TRAPPC3: variants seen among roughly 807,000 people sequenced by gnomAD.
TRAPPC3 encodes trafficking protein particle complex 3.
In TRAPPC3, 5 loss-of-function variants were observed where a neutral mutation model predicts 18.2. The ratio of observed to expected loss-of-function variants is 0.28; its 90% CI spans 0.14 to 0.58. TRAPPC3 has a LOEUF of 0.58. TRAPPC3 is among the 20% of genes least tolerant of loss of function. The pLI, the probability that TRAPPC3 is intolerant of heterozygous loss-of-function variation, is 0.91. For synonymous variants in TRAPPC3, 65 were observed against 84.2 expected (o/e 0.77, Z 1.25); for missense variants, 176 against 225.9 (o/e 0.78, Z 1.41).
chr1:36,142,000 A>C (rs1435825690), intron 1 of TRAPPC3, among the ~76,000 whole-genome samples: 3 of 151,778 alleles, frequency 2.0e-5, no homozygotes, highest in Admixed American at 2.0e-4. Flanking sequence ...GCCCAAGGAC[A>C]AACAGCTAAT....
chr1:36,141,913 A>ACGC (rs1213763229), intron 1 of TRAPPC3, among the ~76,000 whole-genome samples: 1 of 139,254 alleles, frequency 7.2e-6, no homozygotes, highest in Non-Finnish European at 1.5e-5. Context: ...AGCCAAGATC[A>ACGC]CGCCACTGCA....
In TRAPPC3 at chr1:36,149,354, T is replaced by C. The variant is rs770476135; in HGVS notation, c.25A>G (p.Thr9Ala). Residue 9 changes from threonine to alanine, a missense_variant, in exon 1 of 5, where the codon ACC becomes GCC. Physicochemically the swap from Thr to Ala is moderately conservative, Grantham distance 58. Transcript: ENST00000373166. MSRQANRGTESKKMSSELF... is the reference protein window; with the variant it reads MSRQANRGAESKKMSSELF... ...CAAGTTACCATTTTCTTGCTCTCGG[T>C]GCCACGGTTCGCCTGCCTCGACATG... The C allele has an allele frequency of 3.1e-6, 5 of 1,613,246 alleles. No individual in the cohort carries two copies. Among genetic ancestry groups the C allele is most frequent in the Non-Finnish European group, 4.2e-6 (5 of 1,179,760 alleles).
At chr1:36,145,351 A>G (rs1570097555) in intron 1 of TRAPPC3, among the ~76,000 whole-genome samples, 1 of 152,106 alleles carries the variant, frequency 6.6e-6, no homozygotes, top group African/African-American at 2.4e-5. Context: ...TTTAGAGCCA[A>G]TGCTCCAAGA....
rs528237224 is a variant in TRAPPC3 at position 36,137,201 on chromosome 1, G to A, written c.*2C>T. 2 of 1,607,986 alleles carry A rather than the reference G, an allele frequency of 1.2e-6. No individual in the cohort carries two copies. The highest frequency in any genetic ancestry group is 1.1e-5 in the South Asian group (1 of 90,934). ...ATGGCTATCCTCGAGTTGTAGGGAT[G>A]GTTATTCCTCTCCAGCTGGAAGATT... On this transcript the variant is annotated 3_prime_UTR_variant, in exon 5 of 5. Coordinates refer to ENST00000373166, the MANE Select transcript of TRAPPC3 (RefSeq NM_014408.5).
Position 36,137,220 on chromosome 1 carries a change from G to T in TRAPPC3, c.526C>A (p.Pro176Thr). ...RFIRRIEDNLPAGEE is the reference protein window; with the variant it reads ...RFIRRIEDNLTAGEE ...AGGGATGGTTATTCCTCTCCAGCTG[G>T]AAGATTGTCCTCAATCCGCCTGATG... Residue 176 changes from proline to threonine, a missense_variant, in exon 5 of 5, where the codon CCA (proline) becomes ACA (threonine). Physicochemically the swap from Pro to Thr is conservative, Grantham distance 38 (BLOSUM62 -1). Transcript: ENST00000373166. 6.2e-7 allele frequency: 1 copy of T among 1,610,488 alleles called. No homozygotes were observed. Among genetic ancestry groups the T allele is most frequent in the East Asian group, 2.2e-5 (1 of 44,726 alleles).
upstream of TRAPPC3, among the ~76,000 whole-genome samples, chr1:36,153,447 G>A (rs1644286001): frequency 6.6e-6 from 1 of 152,160 alleles, no homozygotes; most frequent in African/African-American, 2.4e-5. Context: ...GAAACCTTCA[G>A]GTCTGGCCAG....
rs1004752358 is a variant in TRAPPC3 at position 36,139,561 on chromosome 1, T to C, written c.240+159A>G. The C allele has an allele frequency of 1.6e-5, 14 of 881,586 alleles. No individual in the cohort carries two copies. In the African/African-American group the frequency reaches 2.0e-4, roughly 13 times the overall value. The allele number at this position is 881,586 out of a possible 1,614,324, so 54.6% of individuals were successfully genotyped here. On this transcript the variant is annotated intron_variant, in intron 3 of 4. Transcript: ENST00000373166. ...TAATCCACAGGGATTAAATAATCTA[T>C]GCTATTCCCTAACGACCTGGAATGT...
intron 1 of TRAPPC3, among the ~76,000 whole-genome samples, chr1:36,144,034 G>C (rs532963370): frequency 2.0e-5 from 3 of 152,108 alleles, no homozygotes; most frequent in Admixed American, 2.0e-4. Context: ...AGGAGGGCAA[G>C]TACAGCACTT....
upstream of TRAPPC3, among the ~76,000 whole-genome samples, chr1:36,153,472 A>G (rs1644286212): frequency 6.6e-6 from 1 of 152,150 alleles, no homozygotes; most frequent in Admixed American, 6.5e-5. Context: ...ACTGTCGTTT[A>G]AGCTGCCTAA....
chr1:36,149,170 T>TC, intron 1 of TRAPPC3, 167 bp downstream of exon 1: 1 of 1,472,026 alleles, frequency 6.8e-7, no homozygotes, highest in Non-Finnish European at 9.0e-7. Flanking sequence ...TCTCCGACGG[T>TC]CCCCTCACCT....
At chr1:36,146,703 C>T (rs1245968771) in intron 1 of TRAPPC3, among the ~76,000 whole-genome samples, 1 of 151,698 alleles carries the variant, frequency 6.6e-6, no homozygotes, top group African/African-American at 2.4e-5. Flanking sequence ...CAGGTGCAGG[C>T]GGTACTACAC....
In TRAPPC3 at chr1:36,138,378, G is replaced by A. The variant is rs971457926; in HGVS notation, c.241-400C>T. 10 of 966,748 alleles carry A rather than the reference G, an allele frequency of 1.0e-5. No homozygotes were observed. In the African/African-American group the frequency reaches 1.5e-4, roughly 14 times the overall value. The allele number at this position is 966,748 out of a possible 1,614,324, so 59.9% of individuals were successfully genotyped here. A position where few individuals can be genotyped will look rare whatever the true frequency, so the allele number is the denominator to read the frequency against. ...TGTCCTCTGTCTGTGCTACCTGAAT[G>A]CACCTTCTTGAAAGTGAATACACAT... On this transcript the variant is annotated intron_variant, in intron 3 of 4. Transcript: ENST00000373166.
At chr1:36,152,591 T>C (rs533411535), upstream of TRAPPC3, among the ~76,000 whole-genome samples, 17 of 152,002 alleles carry the variant, frequency 1.1e-4, no homozygotes, top group South Asian at 8.3e-4. Context: ...ATTACAGGTG[T>C]GAGCCACCCC....
chr1:36,140,887 T>C (rs1644097370), intron 1 of TRAPPC3: 1 of 152,230 alleles, frequency 6.6e-6, no homozygotes, highest in Admixed American at 6.5e-5. Flanking sequence ...CCAGGAGCAG[T>C]GACTCATGCC....
chr1:36,148,202 T>C (rs1471442697), intron 1 of TRAPPC3, among the ~76,000 whole-genome samples: 1 of 152,246 alleles, frequency 6.6e-6, no homozygotes, highest in Non-Finnish European at 1.5e-5. Flanking sequence ...GGCTCACCCC[T>C]GTAATCCCAG....
At chr1:36,137,723 T>C in intron 4 of TRAPPC3, 73 bp downstream of exon 4, 3 of 1,478,378 alleles carry the variant, frequency 2.0e-6, no homozygotes, top group Non-Finnish European at 2.8e-6. Context: ...CTTTTCTCTC[T>C]TTCATTCATT....
chr1:36,142,049 G>C (rs570658387), intron 1 of TRAPPC3, among the ~76,000 whole-genome samples: 1 of 150,556 alleles, frequency 6.6e-6, no homozygotes, highest in African/African-American at 2.4e-5. Flanking sequence ...AAAATCAAAG[G>C]TTTCCAAGCC....
chr1:36,154,520 G>A (rs1644299081), intron 1 of TRAPPC3, among the ~76,000 whole-genome samples: 1 of 152,142 alleles, frequency 6.6e-6, no homozygotes. Context: ...CAGGCTGTGA[G>A]GCCCCTGACC....
At chr1:36,155,465 G>A (rs1426189275) in intron 1 of TRAPPC3, 1 of 152,366 alleles carries the variant, frequency 6.6e-6, no homozygotes, top group Non-Finnish European at 1.5e-5. Flanking sequence ...TGGGGGTGGG[G>A]GAGGTCCAGG....
Sources: gnomAD v4.1 joint callset for allele counts (sites outside exome capture counted in the v4.1 genomes callset) on GRCh38, gnomAD v4.1.1 for gene constraint, MANE v1.5 for transcripts, NCBI Gene and HGNC (gene_info 2026-07-23, HGNC 2026-07-21) for gene names.